GALK1: variants seen among roughly 807,000 people sequenced by gnomAD.
GALK1 encodes the protein galactokinase.
A neutral mutation model predicts 38.6 loss-of-function variants in GALK1; 30 were observed. That is an observed-to-expected ratio of 0.78 (90% CI 0.58 to 1.05). The LOEUF (loss-of-function observed/expected upper bound fraction) is 1.05, where lower values mean the gene tolerates loss of function less well. Among genes scored for constraint, GALK1 ranks in the 50% least tolerant of loss-of-function variants. The pLI, the probability that GALK1 is intolerant of heterozygous loss-of-function variation, is 0.00. For missense variants in GALK1, 512 were observed against 540.5 expected (o/e 0.95, Z 0.52); for synonymous variants, 240 against 233.6 (o/e 1.03, Z -0.25).
chr17:75,751,844 G>A (rs1297542299), intron 8 of GALK1: 1 of 422,128 alleles, frequency 2.4e-6, no homozygotes, highest in East Asian at 5.2e-5. Context: ...TGGAAGGGAG[G>A]CAGGGTGGGC....
At chr17:75,757,325 C>T (rs1328580556), downstream of GALK1, 1 of 1,612,570 alleles carries the variant, frequency 6.2e-7, no homozygotes, top group East Asian at 2.2e-5. Flanking sequence ...GCACTGAGGG[C>T]TAGGGGATCC....
chr17:75,756,411 C>T (rs2061503581), downstream of GALK1: 1 of 1,612,980 alleles, frequency 6.2e-7, no homozygotes, highest in Non-Finnish European at 8.5e-7. Flanking sequence ...ACTGTGTGCC[C>T]CCACCTGATC....
In GALK1 at chr17:75,764,087, C is replaced by G. The variant is rs142772020; in HGVS notation, c.166-1G>C. On this transcript the variant is annotated splice_acceptor_variant, in intron 1 of 7. Transcript: ENST00000588479. LOFTEE classifies it high-confidence loss of function. ...CCAGCACCGTCATGAGCTCCAGAGC[C>G]TGGCAGGAGAGACAAGCAGTACGTG... The G allele has an allele frequency of 1.3e-6, 2 of 1,574,560 alleles. No homozygotes were observed. The highest frequency in any genetic ancestry group is 2.7e-5 in the African/African-American group (2 of 74,280).
At chr17:75,757,197 C>T (rs200010813), downstream of GALK1, 494 of 1,612,368 alleles carry the variant, frequency 3.1e-4, no homozygotes, top group Non-Finnish European at 2.4e-4. Context: ...CTGCCCACCC[C>T]AGGACCCTTC....
chr17:75,753,679 C>A, downstream of GALK1: 2 of 917,428 alleles, frequency 2.2e-6, no homozygotes, highest in Non-Finnish European at 2.9e-6. Flanking sequence ...GGGCTCCCCT[C>A]GCAGAGCCTA....
downstream of GALK1, chr17:75,756,463 C>T: frequency 6.2e-7 from 1 of 1,613,386 alleles, no homozygotes; most frequent in Non-Finnish European, 8.5e-7. Flanking sequence ...CCAACCCTGC[C>T]CAGACCTCGG....
chr17:75,756,403 T>G, downstream of GALK1: 1 of 1,612,238 alleles, frequency 6.2e-7, no homozygotes, highest in African/African-American at 1.3e-5. Context: ...ACTGCACTAC[T>G]GTGTGCCCCC....
At chr17:75,764,155 T>G in intron 1 of GALK1, 69 bp from the exon 2 acceptor site, 1 of 1,405,242 alleles carries the variant, frequency 7.1e-7, no homozygotes, top group Non-Finnish European at 9.8e-7. Flanking sequence ...TGACACTGCC[T>G]CCAGCCGAGG....
At chr17:75,754,458 G>T, downstream of GALK1, 1 of 1,303,136 alleles carries the variant, frequency 7.7e-7, no homozygotes, top group Non-Finnish European at 1.1e-6. Context: ...GAAACTGGTT[G>T]TATTTAAGCA....
chr17:75,756,651 C>T (rs542100967), downstream of GALK1: 7 of 1,613,070 alleles, frequency 4.3e-6, no homozygotes, highest in African/African-American at 6.7e-5. Flanking sequence ...GAGCTGCCCC[C>T]ATCATGCCCA....
At chr17:75,760,752 G>A (rs907209523) in intron 5 of GALK1, among the ~76,000 whole-genome samples, 3 of 151,988 alleles carry the variant, frequency 2.0e-5, no homozygotes, top group African/African-American at 7.2e-5. Flanking sequence ...CTCCAGCCTG[G>A]GCTACAGAGC....
intron 1 of GALK1, chr17:75,764,509 A>C: frequency 2.0e-6 from 1 of 503,840 alleles, no homozygotes; most frequent in Non-Finnish European, 3.9e-6. Context: ...CCCGCCAAGA[A>C]CCTGCTGTGT....
In GALK1 at chr17:75,758,586, C is replaced by G. The variant is rs2061568592; in HGVS notation, c.807G>C (p.Leu269=). The part of the protein sequence containing the change: ...QLEELEAARD[L]VSKEGFRRAR... ...CCCGCCGGAAGCCCTCTTTGCTCAC[C>G]AGGTCCCTGGCAGCTGGGGAGGAAA... Residue 269 remains leucine, a synonymous_variant, in exon 6 of 8, where the codon CTG becomes CTC. Transcript: ENST00000588479. 1.9e-6 allele frequency: 3 copies of G among 1,595,090 alleles called. No homozygotes were observed. The highest frequency in any genetic ancestry group is 2.5e-6 in the Non-Finnish European group (3 of 1,177,498).
downstream of GALK1, chr17:75,756,944 G>C (rs148658410): frequency 1.5e-4 from 244 of 1,612,490 alleles, 1 homozygote; most frequent in African/African-American, 2.9e-3. Flanking sequence ...CCTGCTCAGG[G>C]CCAGCCACCG....
chr17:75,756,518 G>A (rs771612802), downstream of GALK1: 18 of 1,613,214 alleles, frequency 1.1e-5, no homozygotes, highest in East Asian at 4.5e-5. Flanking sequence ...CGTGTTCCGC[G>A]TGCGGGCCCA....
At chr17:75,755,332 G>T, downstream of GALK1, 1 of 1,120,740 alleles carries the variant, frequency 8.9e-7, no homozygotes, top group South Asian at 1.5e-5. Context: ...CAGGACCCCC[G>T]CCTGCCCACA....
intron 1 of GALK1, chr17:75,764,747 C>A: frequency 1.6e-6 from 1 of 626,286 alleles, no homozygotes; most frequent in Admixed American, 2.8e-5. Flanking sequence ...GGGCTTGAGC[C>A]AAGAGGCGGC....
rs1444269564 is a variant in GALK1 at position 75,764,120 on chromosome 17, C to T, written c.166-34G>A. 7.8e-6 allele frequency: 12 copies of T among 1,547,290 alleles called. No homozygotes were observed. The East Asian group carries it at 9.5e-5, about 12-fold the overall frequency. ...AGAGACAAGCAGTACGTGAGGCTTC[C>T]GCCAGCTGGAGTAAGCCTCTCCAAT... is the stretch of plus-strand genomic sequence containing the variant. On this transcript the variant is annotated intron_variant, in intron 1 of 7. Coordinates refer to ENST00000588479, the MANE Select transcript of GALK1 (RefSeq NM_000154.2).
intron 1 of GALK1, 190 bp downstream of exon 1, chr17:75,764,782 C>A (rs1033812001): frequency 1.3e-5 from 9 of 682,018 alleles, no homozygotes; most frequent in African/African-American, 9.0e-5. Flanking sequence ...CGGCCACTTC[C>A]TCGCTTCCTC....
Sources: gnomAD v4.1 joint callset for allele counts (sites outside exome capture counted in the v4.1 genomes callset) on GRCh38, gnomAD v4.1.1 for gene constraint, MANE v1.5 for transcripts, NCBI Gene and HGNC (gene_info 2026-07-23, HGNC 2026-07-21) for gene names.